ADGRB3: variants seen among roughly 807,000 people sequenced by gnomAD.
ADGRB3 encodes the protein brain-specific angiogenesis inhibitor 3.
Under a neutral mutation model 193.4 loss-of-function variants are expected in ADGRB3, and 37 were observed. The ratio of observed to expected loss-of-function variants is 0.19; its 90% confidence interval spans 0.15 to 0.25. The LOEUF is 0.25. ADGRB3 is among the 10% of genes least tolerant of loss of function. The probability of loss-of-function intolerance (pLI) is 1.00; values close to 1 mark genes in which losing one functional copy is unlikely to be tolerated. For missense variants in ADGRB3, 1,637 were observed against 1,852.9 expected (o/e 0.88, Z 2.14); for synonymous variants, 690 against 644.2 (o/e 1.07, Z -1.08).
intron 3 of ADGRB3, among the ~76,000 whole-genome samples, chr6:68,812,118 A>G (rs1359613606): frequency 6.6e-6 from 1 of 152,178 alleles, no homozygotes; most frequent in African/African-American, 2.4e-5. Context: ...GTGGTATGTA[A>G]TGTGTTCTTA....
chr6:69,256,116 T>C (rs1362284814), intron 20 of ADGRB3, among the ~76,000 whole-genome samples: 2 of 151,654 alleles, frequency 1.3e-5, no homozygotes, highest in African/African-American at 4.9e-5. Context: ...CCTTGTAGTA[T>C]AGTTTGAAGT....
Position 69,327,840 on chromosome 6 carries a change from G to A in ADGRB3, c.2986G>A (p.Ala996Thr). The A allele has an allele frequency of 6.2e-7, 1 of 1,609,670 alleles. No homozygotes were observed. Among genetic ancestry groups the A allele is most frequent in the East Asian group, 2.2e-5 (1 of 44,796 alleles). The change falls in exon 22 of 32, where the codon GCC becomes ACC. Residue 996 changes from alanine (A) to threonine (T), a missense_variant. By Grantham distance (58) the Ala-to-Thr change is moderately conservative. Around this residue, in one of 7 missense-constraint regions of ADGRB3, gnomAD observed 87 missense variants for 161.0 expected, o/e 0.54. Transcript: ENST00000370598. ...TGCAGGTTTACCAGCATTAGTAGTG[G>A]CCACATCAGTAGGCTTCACCAGAAC... ...LGWGLPALVV[A>T]TSVGFTRTKG...
chr6:68,751,683 G>A (rs564927585), intron 3 of ADGRB3, among the ~76,000 whole-genome samples: 17 of 152,154 alleles, frequency 1.1e-4, no homozygotes, highest in Non-Finnish European at 1.2e-4. Flanking sequence ...TTAAAAATCC[G>A]TATACTATCC....
chr6:69,337,368 G>T (rs890426725), intron 24 of ADGRB3, among the ~76,000 whole-genome samples: 1 of 152,180 alleles, frequency 6.6e-6, no homozygotes, highest in Non-Finnish European at 1.5e-5. Context: ...TAGAGAAGTG[G>T]TACTTGTTCC....
intron 10 of ADGRB3, among the ~76,000 whole-genome samples, chr6:68,986,675 A>C (rs2150271509): frequency 1.3e-5 from 2 of 152,284 alleles, no homozygotes; most frequent in Middle Eastern, 3.4e-3. Context: ...ATGTATATTT[A>C]GATTGTTGCT....
chr6:69,122,504 G>T (rs1440891017), intron 17 of ADGRB3, among the ~76,000 whole-genome samples: 4 of 120,676 alleles, frequency 3.3e-5, no homozygotes, highest in Non-Finnish European at 5.3e-5. Context: ...AGGGGGAGAG[G>T]GAGAGGTGCA....
chr6:68,704,880 C>G (rs957503939), intron 3 of ADGRB3, among the ~76,000 whole-genome samples: 9 of 152,086 alleles, frequency 5.9e-5, no homozygotes, highest in Admixed American at 3.3e-4. Context: ...AGTAATTTAG[C>G]TATATCACAA....
intron 17 of ADGRB3, among the ~76,000 whole-genome samples, chr6:69,100,792 C>T (rs552213507): frequency 4.6e-4 from 28 of 61,126 alleles, no homozygotes; most frequent in Non-Finnish European, 8.0e-4. Flanking sequence ...ATTTAATAGA[C>T]GGAAGGAAAA....
At chr6:68,638,561 T>C in intron 2 of ADGRB3, 100 bp from the exon 3 acceptor site, 2 of 1,238,188 alleles carry the variant, frequency 1.6e-6, no homozygotes, top group Non-Finnish European at 2.2e-6. Flanking sequence ...GGCTTTTTAC[T>C]GAAATCTTGA....
intron 3 of ADGRB3, among the ~76,000 whole-genome samples, chr6:68,826,227 T>C (rs1385760149): frequency 6.6e-6 from 1 of 152,026 alleles, no homozygotes; most frequent in Non-Finnish European, 1.5e-5. Flanking sequence ...TGGGAATCAA[T>C]GCTACAGGGG....
chr6:68,683,127 A>G (rs1736320561), intron 3 of ADGRB3, among the ~76,000 whole-genome samples: 1 of 152,176 alleles, frequency 6.6e-6, no homozygotes, highest in South Asian at 2.1e-4. Context: ...ATTTTTAAAT[A>G]AAAATAGTTG....
At chr6:68,815,864 CAT>C (rs748039014) in intron 3 of ADGRB3, among the ~76,000 whole-genome samples, 2 of 151,828 alleles carry the variant, frequency 1.3e-5, no homozygotes, top group Non-Finnish European at 2.9e-5. Context: ...TTTGTTGGGA[CAT>C]ATGTATTTTT....
chr6:68,996,416 T>C (rs1211315436), intron 11 of ADGRB3, among the ~76,000 whole-genome samples: 3 of 152,190 alleles, frequency 2.0e-5, no homozygotes, highest in Non-Finnish European at 2.9e-5. Flanking sequence ...ATTATGTCAC[T>C]GTCTACTCAA....
intron 3 of ADGRB3, among the ~76,000 whole-genome samples, chr6:68,722,855 T>C (rs1008695017): frequency 6.6e-6 from 1 of 151,672 alleles, no homozygotes; most frequent in Non-Finnish European, 1.5e-5. Context: ...GTAATGTTCA[T>C]TTTAAAATCA....
intron 20 of ADGRB3, among the ~76,000 whole-genome samples, chr6:69,275,323 A>T: frequency 6.6e-6 from 1 of 152,278 alleles, no homozygotes. Context: ...ATTCTTTAGA[A>T]GAAAAATATT....
At chr6:68,954,567 G>A (rs1192389545) in intron 6 of ADGRB3, among the ~76,000 whole-genome samples, 1 of 151,952 alleles carries the variant, frequency 6.6e-6, no homozygotes, top group Non-Finnish European at 1.5e-5. Context: ...CACTGCATCT[G>A]CACTGCCTCA....
chr6:68,980,303 T>A (rs1367396081), intron 10 of ADGRB3, among the ~76,000 whole-genome samples: 1 of 151,564 alleles, frequency 6.6e-6, no homozygotes, highest in Non-Finnish European at 1.5e-5. Flanking sequence ...TTTCTCCTAC[T>A]TTCCTCTACT....
At chr6:69,134,751 G>GGT (rs774484562) in intron 17 of ADGRB3, among the ~76,000 whole-genome samples, 2 of 151,396 alleles carry the variant, frequency 1.3e-5, no homozygotes, top group African/African-American at 4.9e-5. Flanking sequence ...ATATATGTAT[G>GGT]GTGTGTGTGT....
chr6:68,985,311 T>C lies in ADGRB3; in HGVS notation c.1735-8457T>C, dbSNP rs1769037993. 2.6e-5 allele frequency among the ~76,000 whole-genome samples: 4 copies of C among 152,202 alleles called. No individual in the cohort carries two copies. In the South Asian group the frequency reaches 8.3e-4, roughly 31 times the overall value. On this transcript the variant is annotated intron_variant, in intron 10 of 31. Coordinates refer to ENST00000370598, the MANE Select transcript of ADGRB3 (RefSeq NM_001704.3). The stretch of plus-strand genomic sequence containing the variant: ...ATCAGCAACTTTGAAAAGTGCTCTT[T>C]GTGATTCACTGCACATTAAAGTTTG...
Sources: allele counts gnomAD v4.1 joint callset (sites outside exome capture counted in the v4.1 genomes callset), GRCh38; gene constraint gnomAD v4.1.1; regional missense constraint gnomAD v4.1.1; transcripts MANE v1.5; gene names NCBI Gene and HGNC (gene_info 2026-07-23, HGNC 2026-07-21).